Variants in LYZ observed in about 807,000 individuals in gnomAD.
The protein encoded by LYZ is lysozyme, also known as lysozyme C.
In LYZ, 18 loss-of-function variants were observed where a neutral mutation model predicts 15.8. The observed-to-expected ratio is 1.14, with a 90% CI of 0.79 to 1.69. The LOEUF (loss-of-function observed/expected upper bound fraction) is 1.69, where lower values mean the gene tolerates loss of function less well. Among genes scored for constraint, LYZ ranks in the 40% most tolerant of loss-of-function variants. The probability of loss-of-function intolerance (pLI) is 0.00; values close to 1 mark genes in which losing one functional copy is unlikely to be tolerated. For synonymous variants in LYZ, 60 were observed against 61.7 expected, an observed-to-expected ratio of 0.97 and a Z score of 0.13; for missense variants, 139 against 182.8, an observed-to-expected ratio of 0.76 and a Z score of 1.38.
chr12:69,353,308 C>A lies in LYZ; in HGVS notation c.*89C>A. On this transcript the variant is annotated 3_prime_UTR_variant, in exon 4 of 4. Transcript: ENST00000261267. ...GAAAGGTCACACTACCATTATTTCC[C>A]CTTCAAACAAATAATATTTTTACAG... The A allele has an allele frequency of 1.0e-6, 1 of 991,948 alleles. No homozygotes were observed. Among genetic ancestry groups the A allele is most frequent in the Non-Finnish European group, 1.6e-6 (1 of 613,010 alleles). 61.4% of individuals were successfully genotyped at this position (991,948 alleles called of 1,614,324 possible). A position where few individuals can be genotyped will look rare whatever the true frequency, so the allele number is the denominator to read the frequency against.
rs770053001 is a variant in LYZ, at chr12:69,352,248, T to C, written c.330T>C (p.Ala110=). The change falls in exon 3 of 4, where the codon GCT becomes GCC. Residue 110 remains alanine (A), a synonymous_variant. Transcript: ENST00000261267. ...SALLQDNIAD[A]VACAKRVVRD... is the part of the protein sequence containing the mutation. ...TGCTGCAAGATAACATCGCTGATGCTGTAGCTTGTGCAAAGAGGGTTGTCC... is the reference window on the plus strand; with the variant it reads ...TGCTGCAAGATAACATCGCTGATGCCGTAGCTTGTGCAAAGAGGGTTGTCC... The C allele has an allele frequency of 6.2e-7, 1 of 1,614,054 alleles. No individual in the cohort carries two copies.
chr12:69,348,549 G>A lies in LYZ; in HGVS notation c.136+5G>A. The A allele has an allele frequency of 2.5e-6, 4 of 1,614,158 alleles. No homozygotes were observed. The highest frequency in any genetic ancestry group is 3.4e-6 in the Non-Finnish European group (4 of 1,180,008). ...GGGGAATCAGCCTAGCAAACTGTAA[G>A]TCTACTCTCCATAATTCCAGAGAAT... On this transcript the variant is annotated splice_donor_5th_base_variant and intron_variant, in intron 1 of 3. Transcript: ENST00000261267.
At chr12:69,352,129 T>C in intron 2 of LYZ, 91 bp from the exon 3 acceptor site, 1 of 814,224 alleles carries the variant, frequency 1.2e-6, no homozygotes, top group Non-Finnish European at 2.1e-6. Flanking sequence ...CTTACCATTC[T>C]TTCCACAGCC....
rs1874849128 is a variant in LYZ at position 69,351,814 on chromosome 12, A to G, written c.302-406A>G. Among the ~76,000 whole-genome samples the G allele has an allele frequency of 4.6e-5, 7 of 152,216 alleles. No homozygotes were observed. In the South Asian group the frequency reaches 1.4e-3, roughly 32 times the overall value. On this transcript the variant is annotated intron_variant, in intron 2 of 3. Transcript: ENST00000261267. ...ACTGATCCAATTGTTACTATTGAGC[A>G]CTTAGGTTGTTTCCATTTTTCCCTC...
intron 2 of LYZ, 118 bp from the exon 3 acceptor site, chr12:69,352,102 C>A: frequency 1.4e-6 from 1 of 690,546 alleles, no homozygotes; most frequent in Non-Finnish European, 2.6e-6. Context: ...CATATATGGA[C>A]TCATAGAAAA....
rs1393233869 is a variant in LYZ, at chr12:69,353,909, T to C, written c.*690T>C. 2 of 152,356 alleles carry C rather than the reference T, an allele frequency of 1.3e-5. No homozygotes were observed. The highest frequency in any genetic ancestry group is 4.8e-5 in the African/African-American group (2 of 41,434). The allele number at this position is 152,356 out of a possible 1,614,324, so 9.4% of individuals were successfully genotyped here. A position where few individuals can be genotyped will look rare whatever the true frequency, so the allele number is the denominator to read the frequency against. The stretch of plus-strand genomic sequence containing the variant: ...AATAGATCTTAGGCAAAATACCAGC[T>C]GATGAAGGCATCTGATGCCTTCATC... On this transcript the variant is annotated 3_prime_UTR_variant, in exon 4 of 4. Coordinates refer to ENST00000261267, the MANE Select transcript of LYZ (RefSeq NM_000239.3).
chr12:69,350,369 A>G, intron 2 of LYZ, 97 bp downstream of exon 2: 1 of 1,208,126 alleles, frequency 8.3e-7, no homozygotes, highest in Admixed American at 1.8e-5. Flanking sequence ...AGGGACCTAG[A>G]AAAACTACAT....
chr12:69,348,782 T>C (rs1874780611), intron 1 of LYZ, among the ~76,000 whole-genome samples: 1 of 152,184 alleles, frequency 6.6e-6, no homozygotes, highest in Admixed American at 6.5e-5. Flanking sequence ...GTTGTACTGT[T>C]CTAGTGCTAG....
intron 2 of LYZ, among the ~76,000 whole-genome samples, chr12:69,350,737 C>CTTTTTTTTTTTTTTTTTTTTTTTTTTT (rs60163961): frequency 1.9e-4 from 5 of 26,016 alleles, no homozygotes; most frequent in African/African-American, 4.0e-4. Flanking sequence ...TCTTCTATGC[C>CTTTTTTTTTTTTTTTTTTTTTTTTTTT]TTTTTTTTTT....
rs750628671 is a variant in LYZ, at chr12:69,354,233, C to T, written c.*1014C>T. 1 of 152,214 alleles carries T rather than the reference C, an allele frequency of 6.6e-6. No individual in the cohort carries two copies. The highest frequency in any genetic ancestry group is 1.5e-5 in the Non-Finnish European group (1 of 68,024). The allele number at this position is 152,214 out of a possible 1,614,324, so 9.4% of individuals were successfully genotyped here. A position where few individuals can be genotyped will look rare whatever the true frequency, so the allele number is the denominator to read the frequency against. ...CATTCTAATTAAAGGCTTTGCAACA[C>T]ATGCCTTGTCTGTTTTTATTTAGAC... On this transcript the variant is annotated 3_prime_UTR_variant, in exon 4 of 4. Coordinates refer to ENST00000261267, the MANE Select transcript of LYZ (RefSeq NM_000239.3).
intron 2 of LYZ, among the ~76,000 whole-genome samples, chr12:69,350,658 A>G (rs1874822682): frequency 6.8e-6 from 1 of 147,400 alleles, no homozygotes; most frequent in Non-Finnish European, 1.5e-5. Flanking sequence ...AATTAGAGAC[A>G]TTAGTATAAT....
intron 1 of LYZ, among the ~76,000 whole-genome samples, chr12:69,349,716 T>G (rs1874798670): frequency 1.3e-5 from 2 of 152,232 alleles, no homozygotes; most frequent in East Asian, 3.8e-4. Context: ...CTTATGTTTT[T>G]CTGATTAAAA....
chr12:69,351,575 T>A (rs1375298374), intron 2 of LYZ, among the ~76,000 whole-genome samples: 13 of 152,100 alleles, frequency 8.5e-5, no homozygotes, highest in Admixed American at 8.5e-4. Context: ...CATACAAACA[T>A]GTAAATACTG....
chr12:69,350,318 T>C (rs776718571), intron 2 of LYZ, 46 bp downstream of exon 2: 10 of 1,600,806 alleles, frequency 6.2e-6, no homozygotes, highest in East Asian at 4.5e-5. Flanking sequence ...CTTACAAGAA[T>C]TGAGACTCAA....
chr12:69,348,696 C>T, intron 1 of LYZ, 152 bp downstream of exon 1: 1 of 992,066 alleles, frequency 1.0e-6, no homozygotes, highest in Admixed American at 2.0e-5. Flanking sequence ...CAGTTTGGTT[C>T]TTTATAACCA....
At position 69,348,519 on chromosome 12, in the gene LYZ, C is replaced by T; in HGVS notation, c.111C>T (p.Gly37=). 8 of 1,614,110 alleles carry T rather than the reference C, an allele frequency of 5.0e-6. No individual in the cohort carries two copies. The highest frequency in any genetic ancestry group is 6.8e-6 in the Non-Finnish European group (8 of 1,180,032). Residue 37 remains glycine, a synonymous_variant, in exon 1 of 4, where the codon GGC becomes GGT. Transcript: ENST00000261267. ...CTCTGAAAAGATTGGGAATGGATGGCTACAGGGGAATCAGCCTAGCAAACT... is the reference window on the plus strand; with the variant it reads ...CTCTGAAAAGATTGGGAATGGATGGTTACAGGGGAATCAGCCTAGCAAACT... ...ARTLKRLGMD[G]YRGISLANWM...
rs747456695 is a variant in LYZ at position 69,353,294 on chromosome 12, C to T, written c.*75C>T. On this transcript the variant is annotated 3_prime_UTR_variant, in exon 4 of 4. Transcript: ENST00000261267. ...AGTAGGAATTAAGTGAAAGGTCACACTACCATTATTTCCCCTTCAAACAAA... is the reference window on the plus strand; with the variant it reads ...AGTAGGAATTAAGTGAAAGGTCACATTACCATTATTTCCCCTTCAAACAAA... 39 of 1,093,700 alleles carry T rather than the reference C, an allele frequency of 3.6e-5. No individual in the cohort carries two copies. Among genetic ancestry groups the T allele is most frequent in the Non-Finnish European group, 3.1e-5 (22 of 705,384 alleles). The allele number at this position is 1,093,700 out of a possible 1,614,324, so 67.7% of individuals were successfully genotyped here. A position where few individuals can be genotyped will look rare whatever the true frequency, so the allele number is the denominator to read the frequency against.
At position 69,348,418 on chromosome 12, in the gene LYZ, C is replaced by G. The variant is rs58131341; in HGVS notation, c.10C>G (p.Leu4Val). 882 of 1,614,182 alleles carry G rather than the reference C, an allele frequency of 5.5e-4. 2 individuals are homozygous for G. The African/African-American group carries it at 1.0e-2, about 18-fold the overall frequency. The change falls in exon 1 of 4, where the codon CTC (leucine) becomes GTC (valine). Residue 4 changes from leucine (L) to valine (V), a missense_variant. Transcript: ENST00000261267. Reference sequence around the variant, plus strand: ...TGACCTAGCAGTCAACATGAAGGCTCTCATTGTTCTGGGGCTTGTCCTCCT... The same window carrying G: ...TGACCTAGCAGTCAACATGAAGGCTGTCATTGTTCTGGGGCTTGTCCTCCT... MKA[L>V]IVLGLVLLSV...
intron 2 of LYZ, among the ~76,000 whole-genome samples, chr12:69,351,916 AG>A (rs1317836794): frequency 6.6e-6 from 1 of 152,220 alleles, no homozygotes; most frequent in Non-Finnish European, 1.5e-5. Context: ...TTTCAATAAT[AG>A]AACTGCTGAG....
Sources: gnomAD v4.1 joint callset for allele counts (sites outside exome capture counted in the v4.1 genomes callset) on GRCh38, gnomAD v4.1.1 for gene constraint, MANE v1.5 for transcripts, NCBI Gene and HGNC (gene_info 2026-07-23, HGNC 2026-07-21) for gene names.